The following TCERG1 variants were observed in gnomAD, a reference collection of about 807,000 sequenced individuals.
TCERG1 encodes TATA box binding protein (TBP)-associated factor, RNA polymerase II, S, 150kD.
A neutral mutation model predicts 144.7 loss-of-function variants in TCERG1; 37 were observed. The ratio of observed to expected loss-of-function variants is 0.26; its 90% CI spans 0.20 to 0.34. TCERG1 has a LOEUF of 0.34. Ranked by LOEUF, TCERG1 falls within the 10% of genes least tolerant of loss-of-function variation. The pLI is 1.00. For synonymous variants in TCERG1, 492 were observed against 458.2 expected (o/e 1.07, Z -0.94); for missense variants, 1,027 against 1,380.7 (o/e 0.74, Z 4.06).
At chr5:146,499,184 A>G (rs1767207036) in intron 17 of TCERG1, among the ~76,000 whole-genome samples, 1 of 152,170 alleles carries the variant, frequency 6.6e-6, no homozygotes, top group Admixed American at 6.5e-5. Flanking sequence ...TAGCAGTGTC[A>G]GGAGTGGAGA....
intron 15 of TCERG1, among the ~76,000 whole-genome samples, chr5:146,486,896 G>A (rs1330769196): frequency 2.6e-5 from 4 of 152,056 alleles, no homozygotes; most frequent in African/African-American, 7.2e-5. Context: ...CCAACATGGC[G>A]AAACCTCATC....
chr5:146,453,098 A>G (rs577514917), intron 1 of TCERG1, among the ~76,000 whole-genome samples: 1 of 152,286 alleles, frequency 6.6e-6, no homozygotes, highest in African/African-American at 2.4e-5. Flanking sequence ...TCTCTTTACA[A>G]AAGCACTTGG....
chr5:146,500,736 A>G (rs541041885), intron 17 of TCERG1, among the ~76,000 whole-genome samples: 1 of 152,300 alleles, frequency 6.6e-6, no homozygotes, highest in Admixed American at 6.5e-5. Context: ...AAGTCTACTT[A>G]TTGACCAGGA....
chr5:146,498,983 C>G (rs1012918242), intron 17 of TCERG1, among the ~76,000 whole-genome samples: 3 of 152,144 alleles, frequency 2.0e-5, no homozygotes, highest in Non-Finnish European at 4.4e-5. Context: ...GTGGTGCCTT[C>G]TAAGATTTCA....
rs762958018 is a variant in TCERG1 at position 146,510,660 on chromosome 5, T to C, written c.*18T>C. On this transcript the variant is annotated 3_prime_UTR_variant, in exon 23 of 23. Transcript: ENST00000679501. ...CAAAATAATTCTAAATACTCTTCCA[T>C]AGGGGCATCTATTCAAAATGCTTGC... 5.0e-6 allele frequency: 8 copies of C among 1,601,078 alleles called. No homozygotes were observed. The African/African-American group carries it at 6.7e-5, about 13-fold the overall frequency.
intron 12 of TCERG1, 165 bp downstream of exon 12, chr5:146,480,259 G>T: frequency 2.2e-6 from 1 of 451,372 alleles, no homozygotes; most frequent in Non-Finnish European, 4.0e-6. Flanking sequence ...TAGAAAATGT[G>T]TCCCTTCTTT....
At chr5:146,488,189 G>A (rs1227828661) in intron 15 of TCERG1, among the ~76,000 whole-genome samples, 4 of 152,066 alleles carry the variant, frequency 2.6e-5, no homozygotes, top group African/African-American at 7.2e-5. Context: ...GACATTGACT[G>A]GGAAAAGATT....
At chr5:146,493,165 T>C (rs949006706) in intron 16 of TCERG1, 127 bp downstream of exon 16, 1 of 652,718 alleles carries the variant, frequency 1.5e-6, no homozygotes, top group Non-Finnish European at 2.5e-6. Flanking sequence ...TGATTATCGG[T>C]TTTTGCCAAA....
At chr5:146,500,753 G>A (rs1767347295) in intron 17 of TCERG1, among the ~76,000 whole-genome samples, 1 of 152,078 alleles carries the variant, frequency 6.6e-6, no homozygotes, top group Non-Finnish European at 1.5e-5. Flanking sequence ...AGGAGTGGTG[G>A]CTCATGCCTG....
At chr5:146,453,607 C>T (rs1347934740) in intron 1 of TCERG1, among the ~76,000 whole-genome samples, 1 of 152,118 alleles carries the variant, frequency 6.6e-6, no homozygotes, top group Admixed American at 6.5e-5. Context: ...TATGGCATTT[C>T]CTCCTGTTAG....
chr5:146,469,476 T>C (rs1661136303), intron 6 of TCERG1, 68 bp from the exon 7 acceptor site: 1 of 1,291,144 alleles, frequency 7.7e-7, no homozygotes, highest in African/African-American at 1.5e-5. Flanking sequence ...ATTTAGCTCA[T>C]ATTTTAGAGT....
At chr5:146,471,600 A>T in intron 9 of TCERG1, 24 bp downstream of exon 9, 17 of 1,388,776 alleles carry the variant, frequency 1.2e-5, no homozygotes, top group Admixed American at 4.0e-5. Context: ...TCAAGTAGTA[A>T]TTTTTTTTTT....
chr5:146,453,323 G>A (rs12515937), intron 1 of TCERG1, among the ~76,000 whole-genome samples: 87,994 of 151,946 alleles, frequency 0.58, 26,451 homozygotes, highest in Non-Finnish European at 0.65. Context: ...ACAAAATGTC[G>A]CAAAAATAAA....
chr5:146,493,291 A>G (rs1345168252), intron 16 of TCERG1, among the ~76,000 whole-genome samples: 3 of 152,072 alleles, frequency 2.0e-5, no homozygotes, highest in Non-Finnish European at 2.9e-5. Context: ...AAACTAGTAT[A>G]TGATAGAAAA....
At chr5:146,475,474 C>G (rs1352097820) in intron 9 of TCERG1, among the ~76,000 whole-genome samples, 1 of 152,110 alleles carries the variant, frequency 6.6e-6, no homozygotes, top group Non-Finnish European at 1.5e-5. Context: ...TAGGGATGCT[C>G]TAAACATCCT....
intron 2 of TCERG1, among the ~76,000 whole-genome samples, chr5:146,456,628 C>T (rs1275767627): frequency 6.6e-6 from 1 of 152,194 alleles, no homozygotes; most frequent in African/African-American, 2.4e-5. Context: ...TAAAGTACAA[C>T]TTCACACTAT....
At chr5:146,476,057 A>G (rs913473026) in intron 9 of TCERG1, among the ~76,000 whole-genome samples, 5 of 151,972 alleles carry the variant, frequency 3.3e-5, no homozygotes, top group African/African-American at 1.2e-4. Context: ...TTCTGCTGTG[A>G]CAAGATGTTC....
At chr5:146,509,017 C>A in intron 21 of TCERG1, 128 bp from the exon 22 acceptor site, 1 of 517,504 alleles carries the variant, frequency 1.9e-6, no homozygotes, top group South Asian at 3.5e-5. Flanking sequence ...TACCCTGTTG[C>A]CTTTTTCTTT....
intron 15 of TCERG1, among the ~76,000 whole-genome samples, chr5:146,487,400 C>G (rs1200207949): frequency 1.3e-5 from 2 of 151,998 alleles, no homozygotes; most frequent in Admixed American, 6.6e-5. Context: ...TCTACAGATT[C>G]AGTGCAATCT....
Sources: gnomAD v4.1 joint callset for allele counts (sites outside exome capture counted in the v4.1 genomes callset) on GRCh38, gnomAD v4.1.1 for gene constraint, MANE v1.5 for transcripts, NCBI Gene and HGNC (gene_info 2026-07-23, HGNC 2026-07-21) for gene names.